Variants in DOCK3 observed in about 807,000 individuals in gnomAD.
The protein encoded by DOCK3 is dedicator of cytokinesis protein 3.
DOCK3 carries 60 observed loss-of-function variants against 265.6 expected under a neutral mutation model. That is an observed-to-expected ratio of 0.23 (90% CI 0.18 to 0.28). The LOEUF (loss-of-function observed/expected upper bound fraction) is 0.28. DOCK3 is among the 10% of genes least tolerant of loss of function. The pLI is 1.00. For missense variants in DOCK3, 1,981 were observed against 2,594.3 expected (o/e 0.76, Z 5.14); for synonymous variants, 881 against 938.0 (o/e 0.94, Z 1.11).
chr3:51,056,384 G>T (rs373474137), intron 5 of DOCK3, among the ~76,000 whole-genome samples: 26 of 152,192 alleles, frequency 1.7e-4, no homozygotes, highest in Non-Finnish European at 2.6e-4. Context: ...GAGTAACTGG[G>T]ACTACAGGTG....
At chr3:51,088,111 A>G (rs538735955) in intron 7 of DOCK3, among the ~76,000 whole-genome samples, 8 of 152,214 alleles carry the variant, frequency 5.3e-5, no homozygotes, top group Non-Finnish European at 1.0e-4. Flanking sequence ...CATGGATGGA[A>G]CTAGAGGTCA....
chr3:51,223,000 A>G (rs1200865626), intron 14 of DOCK3, among the ~76,000 whole-genome samples: 1 of 152,180 alleles, frequency 6.6e-6, no homozygotes, highest in Non-Finnish European at 1.5e-5. Context: ...GTACACTGGC[A>G]TGATCATAGC....
At chr3:51,354,699 A>G (rs1349756073) in intron 40 of DOCK3, among the ~76,000 whole-genome samples, 183 bp from the exon 41 acceptor site, 2 of 151,998 alleles carry the variant, frequency 1.3e-5, no homozygotes, top group Non-Finnish European at 2.9e-5. Context: ...GCCACACCAC[A>G]GTGTAATTCT....
chr3:50,701,557 G>GT (rs2036041694), intron 1 of DOCK3, among the ~76,000 whole-genome samples: 1 of 152,134 alleles, frequency 6.6e-6, no homozygotes, highest in Non-Finnish European at 1.5e-5. Context: ...TCTGTTTATT[G>GT]TTTTCTTTGC....
At chr3:51,238,217 A>G (rs1388969588) in intron 21 of DOCK3, among the ~76,000 whole-genome samples, 1 of 120,988 alleles carries the variant, frequency 8.3e-6, no homozygotes, top group African/African-American at 3.3e-5. Context: ...ATCTTGGCTC[A>G]CTGCAAGCTC....
intron 21 of DOCK3, among the ~76,000 whole-genome samples, chr3:51,238,968 T>G (rs1286466213): frequency 6.6e-6 from 1 of 152,248 alleles, no homozygotes; most frequent in Non-Finnish European, 1.5e-5. Context: ...ACTTTGGGTT[T>G]ATATACAGTA....
chr3:50,984,364 T>G (rs1311979940), intron 5 of DOCK3, among the ~76,000 whole-genome samples: 1 of 152,244 alleles, frequency 6.6e-6, no homozygotes, highest in African/African-American at 2.4e-5. Context: ...ATACCATCCT[T>G]CCACTTCCAG....
At chr3:51,147,655 G>A (rs574084736) in intron 10 of DOCK3, among the ~76,000 whole-genome samples, 1 of 152,242 alleles carries the variant, frequency 6.6e-6, no homozygotes, top group African/African-American at 2.4e-5. Flanking sequence ...CCATGTGCCT[G>A]CAAAGGACAT....
At chr3:51,057,707 G>A (rs1049059932) in intron 5 of DOCK3, among the ~76,000 whole-genome samples, 11 of 152,244 alleles carry the variant, frequency 7.2e-5, no homozygotes, top group African/African-American at 2.6e-4. Context: ...GTGCGGTGTC[G>A]GAGCAATGTT....
intron 27 of DOCK3, among the ~76,000 whole-genome samples, chr3:51,292,091 TCAAAA>T (rs1560369522): frequency 3.3e-5 from 5 of 152,046 alleles, no homozygotes; most frequent in African/African-American, 4.8e-5. Context: ...AGAATGTTCT[TCAAAA>T]CAATAAATAT....
rs1399894534 is a variant in DOCK3, at chr3:50,703,391, A to C, written c.37+28091A>C. 2.0e-5 allele frequency among the ~76,000 whole-genome samples: 3 copies of C among 152,010 alleles called. No individual in the cohort carries two copies. In the East Asian group the frequency reaches 5.8e-4, roughly 29 times the overall value. On this transcript the variant is annotated intron_variant, in intron 1 of 52. Transcript: ENST00000266037. Reference sequence around the variant, plus strand: ...GAATTGGGAAGAATTCAGTTTTTGGAATAGTTTGAGAAGAACTGGTGTTAG... The same window carrying C: ...GAATTGGGAAGAATTCAGTTTTTGGCATAGTTTGAGAAGAACTGGTGTTAG...
chr3:50,912,094 T>C (rs1394659535), intron 4 of DOCK3, among the ~76,000 whole-genome samples: 1 of 152,082 alleles, frequency 6.6e-6, no homozygotes, highest in Non-Finnish European at 1.5e-5. Context: ...TAGAGATATA[T>C]ATGATCATGT....
chr3:51,288,405 A>C (rs1246271870), intron 27 of DOCK3, among the ~76,000 whole-genome samples: 1 of 151,808 alleles, frequency 6.6e-6, no homozygotes, highest in Non-Finnish European at 1.5e-5. Flanking sequence ...AAAAAAAAAA[A>C]AAAAAAATTA....
intron 1 of DOCK3, among the ~76,000 whole-genome samples, chr3:50,688,729 G>T (rs2035012690): frequency 6.6e-6 from 1 of 152,178 alleles, no homozygotes; most frequent in Non-Finnish European, 1.5e-5. Flanking sequence ...CTCTTAAAGT[G>T]CTGGGATTAC....
chr3:50,942,208 G>A (rs1271298695), intron 5 of DOCK3, among the ~76,000 whole-genome samples: 1 of 151,960 alleles, frequency 6.6e-6, no homozygotes, highest in Non-Finnish European at 1.5e-5. Flanking sequence ...CAGTTATTCA[G>A]TAATTTAGGA....
chr3:51,139,612 A>G (rs773993233), intron 9 of DOCK3, among the ~76,000 whole-genome samples: 1 of 152,226 alleles, frequency 6.6e-6, no homozygotes, highest in Non-Finnish European at 1.5e-5. Flanking sequence ...AGGGGAACAA[A>G]TGTCCTTATC....
chr3:51,026,850 G>A (rs956475433), intron 5 of DOCK3, among the ~76,000 whole-genome samples: 1 of 151,454 alleles, frequency 6.6e-6, no homozygotes, highest in Non-Finnish European at 1.5e-5. Context: ...TGCTTATTTG[G>A]ATTTTCTCTT....
chr3:50,768,273 T>A (rs2199051), intron 1 of DOCK3, among the ~76,000 whole-genome samples: 1 of 151,996 alleles, frequency 6.6e-6, no homozygotes, highest in Non-Finnish European at 1.5e-5. Context: ...ATAGCTCTTA[T>A]TATTTTGAGA....
chr3:50,994,218 T>C (rs1278227768), intron 5 of DOCK3, among the ~76,000 whole-genome samples: 1 of 152,192 alleles, frequency 6.6e-6, no homozygotes, highest in African/African-American at 2.4e-5. Flanking sequence ...TTACTGCATG[T>C]AGTTGGTAAG....
Sources: gnomAD v4.1 joint callset for allele counts (sites outside exome capture counted in the v4.1 genomes callset) on GRCh38, gnomAD v4.1.1 for gene constraint, MANE v1.5 for transcripts, NCBI Gene and HGNC (gene_info 2026-07-23, HGNC 2026-07-21) for gene names.